ARRB1: variants seen among roughly 807,000 people sequenced by gnomAD.
The protein encoded by ARRB1 is beta-arrestin-1.
Under a neutral mutation model 56.8 loss-of-function variants are expected in ARRB1, and 21 were observed. That is an observed-to-expected ratio of 0.37 (90% CI 0.26 to 0.53). The LOEUF (loss-of-function observed/expected upper bound fraction) is 0.53, where lower values mean the gene tolerates loss of function less well. ARRB1 is among the 20% of genes least tolerant of loss of function. The pLI, the probability that ARRB1 is intolerant of heterozygous loss-of-function variation, is 0.88. For missense variants in ARRB1, 424 were observed against 553.7 expected (o/e 0.77, Z 2.35); for synonymous variants, 210 against 218.6 (o/e 0.96, Z 0.35).
chr11:75,329,460 C>T (rs1430951283), intron 1 of ARRB1, among the ~76,000 whole-genome samples: 3 of 152,088 alleles, frequency 2.0e-5, no homozygotes, highest in Non-Finnish European at 4.4e-5. Flanking sequence ...AAGCAGGGTT[C>T]AGGGATCTAG....
intron 2 of ARRB1, among the ~76,000 whole-genome samples, chr11:75,289,143 A>G (rs1946548492): frequency 1.3e-5 from 2 of 152,174 alleles, no homozygotes; most frequent in Admixed American, 1.3e-4. Context: ...GTGGAAGCAC[A>G]CGTGGTGCTA....
intron 1 of ARRB1, among the ~76,000 whole-genome samples, chr11:75,331,408 G>A (rs1362955760): frequency 6.6e-6 from 1 of 152,114 alleles, no homozygotes; most frequent in Non-Finnish European, 1.5e-5. Context: ...AGGCCTCTGA[G>A]CCCAAGCTAA....
At chr11:75,285,372 G>A (rs1946445351) in intron 3 of ARRB1, among the ~76,000 whole-genome samples, 2 of 152,244 alleles carry the variant, frequency 1.3e-5, no homozygotes, top group Admixed American at 6.5e-5. Flanking sequence ...CACCCCAGGA[G>A]GCCAGAAACA....
intron 14 of ARRB1, 105 bp downstream of exon 14, chr11:75,268,784 A>G: frequency 7.9e-7 from 1 of 1,270,246 alleles, no homozygotes; most frequent in South Asian, 1.3e-5. Context: ...GGGACCCGAG[A>G]AAAGGGTGAC....
chr11:75,320,274 G>A (rs896653659), intron 1 of ARRB1, among the ~76,000 whole-genome samples: 15 of 152,288 alleles, frequency 9.8e-5, no homozygotes, highest in African/African-American at 3.6e-4. Context: ...GTGGGGAGGG[G>A]GCTGGAGTGG....
At chr11:75,283,960 G>A (rs1407629287) in intron 4 of ARRB1, among the ~76,000 whole-genome samples, 1 of 152,012 alleles carries the variant, frequency 6.6e-6, no homozygotes, top group East Asian at 1.9e-4. Context: ...GTTCTGTTCT[G>A]TTAAAGAAGA....
rs560413492 is a variant in ARRB1 at position 75,302,337 on chromosome 11, A to C, written c.21-12298T>G. Reference sequence around the variant, plus strand: ...ATGAAGCATATTTTTGAAAATTCTCAGGTGGTGCAGAGTGAGGAAAGAGGG... The same window carrying C: ...ATGAAGCATATTTTTGAAAATTCTCCGGTGGTGCAGAGTGAGGAAAGAGGG... On this transcript the variant is annotated intron_variant, in intron 1 of 15. Transcript: ENST00000420843. Among the ~76,000 whole-genome samples the C allele has an allele frequency of 2.6e-5, 4 of 152,330 alleles. No homozygotes were observed. The East Asian group carries it at 7.7e-4, about 29-fold the overall frequency.
intron 1 of ARRB1, among the ~76,000 whole-genome samples, chr11:75,344,957 G>A (rs1024492333): frequency 2.0e-5 from 3 of 152,154 alleles, no homozygotes; most frequent in Non-Finnish European, 4.4e-5. Flanking sequence ...CCACTGAATG[G>A]TTCAGACATT....
In ARRB1 at chr11:75,266,098, A is replaced by C; in HGVS notation, c.*65T>G. The C allele has an allele frequency of 7.4e-7, 1 of 1,356,574 alleles. No homozygotes were observed. The highest frequency in any genetic ancestry group is 1.1e-6 in the Non-Finnish European group (1 of 947,374). The allele number at this position is 1,356,574 out of a possible 1,614,324, so 84.0% of individuals were successfully genotyped here. Reference sequence around the variant, plus strand: ...GGGAAAAGAAACCAGAACAGGAAGAAGACGAGTAAGCATCCGAGTGCACGA... The same window carrying C: ...GGGAAAAGAAACCAGAACAGGAAGACGACGAGTAAGCATCCGAGTGCACGA... On this transcript the variant is annotated 3_prime_UTR_variant, in exon 16 of 16. Coordinates refer to ENST00000420843, the MANE Select transcript of ARRB1 (RefSeq NM_004041.5).
At chr11:75,343,214 TGAGA>T in intron 1 of ARRB1, among the ~76,000 whole-genome samples, 1 of 152,088 alleles carries the variant, frequency 6.6e-6, no homozygotes, top group South Asian at 2.1e-4. Flanking sequence ...GGATGAGTGC[TGAGA>T]GAGAGAGATT....
At chr11:75,330,859 G>A (rs1285788965) in intron 1 of ARRB1, among the ~76,000 whole-genome samples, 1 of 152,216 alleles carries the variant, frequency 6.6e-6, no homozygotes, top group South Asian at 2.1e-4. Context: ...AGGCAGCTGG[G>A]CTGAAAGTTG....
chr11:75,268,007 G>A (rs1945971697), intron 14 of ARRB1, among the ~76,000 whole-genome samples: 1 of 152,142 alleles, frequency 6.6e-6, no homozygotes, highest in Non-Finnish European at 1.5e-5. Context: ...TTCCTTGCAT[G>A]CATGCCATTC....
At chr11:75,306,616 C>T in intron 1 of ARRB1, 1 of 1,289,178 alleles carries the variant, frequency 7.8e-7, no homozygotes, top group South Asian at 1.2e-5. Flanking sequence ...GAAGCAGCGC[C>T]AAAGCAGTGG....
chr11:75,287,359 C>T lies in ARRB1; in HGVS notation c.68G>A (p.Gly23Glu). The change falls in exon 3 of 16, where the codon GGA becomes GAA. Residue 23 changes from glycine to glutamate, a missense_variant. Gly to Glu is a moderately conservative substitution (Grantham distance 98). Coordinates refer to ENST00000420843, the MANE Select transcript of ARRB1 (RefSeq NM_004041.5). ...GATGTGGTCCACAAAGTCCCGCTTTCCCAGGTAGACGGTGAGCTGAGGAGG... is the reference window on the plus strand; with the variant it reads ...GATGTGGTCCACAAAGTCCCGCTTTTCCAGGTAGACGGTGAGCTGAGGAGG... ...SPNGKLTVYLGKRDFVDHIDL... is the reference protein window; with the variant it reads ...SPNGKLTVYLEKRDFVDHIDL... 6.4e-7 allele frequency: 1 copy of T among 1,561,026 alleles called. No individual in the cohort carries two copies. The highest frequency in any genetic ancestry group is 8.7e-7 in the Non-Finnish European group (1 of 1,152,012).
chr11:75,300,692 C>A (rs941208560), intron 1 of ARRB1, among the ~76,000 whole-genome samples: 1 of 148,406 alleles, frequency 6.7e-6, no homozygotes, highest in South Asian at 2.1e-4. Flanking sequence ...TAGGGCCGGG[C>A]GCGGTGGCTC....
chr11:75,305,834 C>T (rs1947015352), intron 1 of ARRB1, among the ~76,000 whole-genome samples: 1 of 152,120 alleles, frequency 6.6e-6, no homozygotes, highest in Admixed American at 6.5e-5. Flanking sequence ...TGTCTACAAA[C>T]CCCCACATAT....
intron 1 of ARRB1, among the ~76,000 whole-genome samples, chr11:75,319,150 C>A (rs976071529): frequency 6.6e-6 from 1 of 152,122 alleles, no homozygotes; most frequent in Non-Finnish European, 1.5e-5. Flanking sequence ...CTGCTTGAAC[C>A]ACAGCTGGCT....
chr11:75,351,575 G>A lies in ARRB1; in HGVS notation c.20+13C>T. On this transcript the variant is annotated intron_variant, in intron 1 of 15. Coordinates refer to ENST00000420843, the MANE Select transcript of ARRB1 (RefSeq NM_004041.5). ...CCCACGCGCCCCCCGCCGGGCGGCC[G>A]CCCTGCACTCACCGGGTCCCTTTGT... 6.7e-7 allele frequency: 1 copy of A among 1,490,530 alleles called. No homozygotes were observed. The highest frequency in any genetic ancestry group is 1.3e-5 in the South Asian group (1 of 79,674). 92.3% of individuals were successfully genotyped at this position (1,490,530 alleles called of 1,614,324 possible).
Position 75,266,007 on chromosome 11 carries a change from G to T in ARRB1, c.*156C>A, listed in dbSNP as rs1945898287. 1.6e-6 allele frequency: 1 copy of T among 642,714 alleles called. No individual in the cohort carries two copies. The highest frequency in any genetic ancestry group is 2.8e-6 in the Non-Finnish European group (1 of 359,502). 39.8% of individuals were successfully genotyped at this position (642,714 alleles called of 1,614,324 possible). On this transcript the variant is annotated 3_prime_UTR_variant, in exon 16 of 16. Transcript: ENST00000420843. Reference sequence around the variant, plus strand: ...GTGGTGATGTGGGGCCAATCCTGAGGCCAGAGGTTCATCACCGTGATCTGG... The same window carrying T: ...GTGGTGATGTGGGGCCAATCCTGAGTCCAGAGGTTCATCACCGTGATCTGG...
Sources: allele counts gnomAD v4.1 joint callset (sites outside exome capture counted in the v4.1 genomes callset), GRCh38; gene constraint gnomAD v4.1.1; transcripts MANE v1.5; gene names NCBI Gene and HGNC (gene_info 2026-07-23, HGNC 2026-07-21).